The following SGCZ variants were observed in gnomAD, a reference collection of about 807,000 sequenced individuals.
SGCZ encodes the protein sarcoglycan zeta.
SGCZ carries 40 observed loss-of-function variants against 41.3 expected under a neutral mutation model. The observed-to-expected ratio is 0.97, with a 90% CI of 0.75 to 1.26. The LOEUF (loss-of-function observed/expected upper bound fraction) is 1.26. Among genes scored for constraint, SGCZ ranks in the 50% most tolerant of loss-of-function variants. The pLI is 0.00. For synonymous variants in SGCZ, 206 were observed against 137.5 expected (o/e 1.50, Z -3.49); for missense variants, 552 against 369.8 (o/e 1.49, Z -4.04).
chr8:14,260,328 C>CA (rs1022630260), intron 3 of SGCZ, among the ~76,000 whole-genome samples: 50 of 150,472 alleles, frequency 3.3e-4, no homozygotes, highest in African/African-American at 9.7e-4. Context: ...TTTATGCAGC[C>CA]AAAAAACACA....
intron 1 of SGCZ, among the ~76,000 whole-genome samples, chr8:14,826,216 G>A (rs1171881509): frequency 6.6e-6 from 1 of 151,716 alleles, no homozygotes; most frequent in Non-Finnish European, 1.5e-5. Context: ...AGTTTGCTGA[G>A]AATGATGGTT....
intron 2 of SGCZ, among the ~76,000 whole-genome samples, chr8:14,324,736 T>G (rs1215844959): frequency 6.6e-6 from 1 of 152,094 alleles, no homozygotes; most frequent in Non-Finnish European, 1.5e-5. Context: ...AAAGAGCAGT[T>G]TTTGAGAAGG....
At chr8:14,803,292 A>T (rs1377218770) in intron 1 of SGCZ, among the ~76,000 whole-genome samples, 1 of 152,092 alleles carries the variant, frequency 6.6e-6, no homozygotes. Flanking sequence ...AAGACGGGTG[A>T]TTTCTGCATT....
At chr8:14,869,068 C>A (rs1804045108) in intron 1 of SGCZ, among the ~76,000 whole-genome samples, 1 of 152,038 alleles carries the variant, frequency 6.6e-6, no homozygotes, top group South Asian at 2.1e-4. Context: ...AAAAAAGGAA[C>A]TCCTCCCTAA....
At chr8:15,237,455 C>T in intron 1 of SGCZ, 130 bp downstream of exon 1, 2 of 1,099,698 alleles carry the variant, frequency 1.8e-6, no homozygotes, top group South Asian at 2.7e-5. Context: ...GGTGCGCGTC[C>T]CCCCAACGCC....
intron 1 of SGCZ, among the ~76,000 whole-genome samples, chr8:14,597,612 G>T (rs568474218): frequency 6.6e-6 from 1 of 152,198 alleles, no homozygotes; most frequent in African/African-American, 2.4e-5. Flanking sequence ...AGAGTAGCTG[G>T]GATTACAGGC....
intron 1 of SGCZ, among the ~76,000 whole-genome samples, chr8:15,084,893 G>C (rs957717139): frequency 2.0e-5 from 3 of 152,180 alleles, no homozygotes; most frequent in Admixed American, 6.5e-5. Flanking sequence ...GTTGAAGACT[G>C]ACTTTATCTT....
rs548529586 is a variant in SGCZ at position 14,827,242 on chromosome 8, T to C, written c.40-272316A>G. ...TCACATTTTCTTTTCTTTTCTTTTT[T>C]TTTTTTTTTTTTGAGACAAAGTCTC... On this transcript the variant is annotated intron_variant, in intron 1 of 7. Coordinates refer to ENST00000382080, the MANE Select transcript of SGCZ (RefSeq NM_139167.4). Among the ~76,000 whole-genome samples the C allele has an allele frequency of 6.1e-5, 9 of 148,156 alleles. No individual in the cohort carries two copies. In the South Asian group the frequency reaches 8.6e-4, roughly 14 times the overall value.
intron 2 of SGCZ, among the ~76,000 whole-genome samples, chr8:14,462,424 C>T (rs1022008932): frequency 1.3e-5 from 2 of 151,944 alleles, no homozygotes; most frequent in Non-Finnish European, 2.9e-5. Context: ...TACGGTTGTG[C>T]TACTATCATT....
intron 5 of SGCZ, among the ~76,000 whole-genome samples, chr8:14,125,220 G>T (rs937882833): frequency 1.3e-5 from 2 of 152,070 alleles, no homozygotes; most frequent in Admixed American, 6.5e-5. Context: ...GGTGGCTCAC[G>T]CCTGCAATCC....
At chr8:14,404,895 G>A (rs748549744) in intron 2 of SGCZ, among the ~76,000 whole-genome samples, 7 of 152,182 alleles carry the variant, frequency 4.6e-5, no homozygotes, top group Non-Finnish European at 1.0e-4. Context: ...TGGGAGAGTC[G>A]ATCTATTTGC....
At chr8:15,005,454 C>A (rs1802580245) in intron 1 of SGCZ, among the ~76,000 whole-genome samples, 1 of 151,506 alleles carries the variant, frequency 6.6e-6, no homozygotes, top group Non-Finnish European at 1.5e-5. Flanking sequence ...GCCTCAGCCT[C>A]CCGAGTAGCT....
At chr8:14,838,626 G>A (rs1178756265) in intron 1 of SGCZ, among the ~76,000 whole-genome samples, 1 of 152,130 alleles carries the variant, frequency 6.6e-6, no homozygotes, top group Admixed American at 6.5e-5. Context: ...GAAGGCTCTA[G>A]CCTCTGATTT....
intron 1 of SGCZ, among the ~76,000 whole-genome samples, chr8:14,812,149 A>G (rs969195926): frequency 1.8e-4 from 27 of 151,948 alleles, no homozygotes; most frequent in African/African-American, 6.0e-4. Context: ...TTAAAATATT[A>G]TATACAAATG....
chr8:14,783,482 T>A (rs1420456976), intron 1 of SGCZ, among the ~76,000 whole-genome samples: 2 of 151,222 alleles, frequency 1.3e-5, no homozygotes, highest in Non-Finnish European at 2.9e-5. Context: ...AGTAGAAGTA[T>A]AGCACAGAAG....
At position 14,342,745 on chromosome 8, in the gene SGCZ, GA is replaced by G. The variant is rs773945449; in HGVS notation, c.235-18542del. Among the ~76,000 whole-genome samples, 106 of 152,254 alleles carry G rather than the reference GA, an allele frequency of 7.0e-4. 2 individuals are homozygous for G. The highest frequency in any genetic ancestry group is 7.8e-4 in the Non-Finnish European group (53 of 68,008). On this transcript the variant is annotated intron_variant, in intron 2 of 7. Coordinates refer to ENST00000382080, the MANE Select transcript of SGCZ (RefSeq NM_139167.4). ...TGCAGGCTGATTATGTGATAGAAAA[GA>G]AAAACCCATTTTCTGGGGAAAAATT...
intron 2 of SGCZ, among the ~76,000 whole-genome samples, chr8:14,385,472 G>T (rs1455213725): frequency 2.0e-5 from 3 of 152,138 alleles, no homozygotes; most frequent in Non-Finnish European, 2.9e-5. Context: ...AGTCTACCAG[G>T]TGGTTGTGCT....
At chr8:14,785,165 T>C (rs1031897947) in intron 1 of SGCZ, among the ~76,000 whole-genome samples, 13 of 151,158 alleles carry the variant, frequency 8.6e-5, no homozygotes, top group African/African-American at 2.9e-4. Flanking sequence ...ATCCCAGTGT[T>C]TTATGTTTAC....
chr8:14,439,958 C>G (rs982282688), intron 2 of SGCZ, among the ~76,000 whole-genome samples: 1 of 151,644 alleles, frequency 6.6e-6, no homozygotes, highest in Non-Finnish European at 1.5e-5. Flanking sequence ...GGTTCACGGA[C>G]TTCTTGAGAT....
Sources: gnomAD v4.1 joint callset for allele counts (sites outside exome capture counted in the v4.1 genomes callset) on GRCh38, gnomAD v4.1.1 for gene constraint, MANE v1.5 for transcripts, NCBI Gene and HGNC (gene_info 2026-07-23, HGNC 2026-07-21) for gene names.